ZBBX: variants seen among roughly 807,000 people sequenced by gnomAD.
ZBBX encodes zinc finger B-box domain containing.
In ZBBX, 101 loss-of-function variants were observed where a neutral mutation model predicts 108.5. The ratio of observed to expected loss-of-function variants is 0.93; its 90% CI spans 0.79 to 1.10. The LOEUF (loss-of-function observed/expected upper bound fraction) is 1.10. Among genes scored for constraint, ZBBX ranks in the 50% least tolerant of loss-of-function variants. The pLI is 0.00. For synonymous variants in ZBBX, 356 were observed against 323.4 expected (o/e 1.10, Z -1.08); for missense variants, 1,009 against 941.4 (o/e 1.07, Z -0.94).
At chr3:167,242,448 G>C (rs1010702231) in intron 21 of ZBBX, 57 bp downstream of exon 21, 1 of 1,426,150 alleles carries the variant, frequency 7.0e-7, no homozygotes, top group Non-Finnish European at 9.4e-7. Flanking sequence ...ACTAGTTGGA[G>C]CTTGTCAAAA....
intron 9 of ZBBX, among the ~76,000 whole-genome samples, chr3:167,335,916 AG>A (rs1275715905): frequency 1.3e-5 from 2 of 152,036 alleles, no homozygotes; most frequent in Non-Finnish European, 2.9e-5. Flanking sequence ...TATTTTTAAA[AG>A]AAATTCAAGT....
At chr3:167,197,106 T>G in the ZBBX span, among the ~76,000 whole-genome samples, 5 of 152,218 alleles carry the variant, frequency 3.3e-5, no homozygotes, top group Admixed American at 3.3e-4. Context: ...CAGTGATGCC[T>G]TCCATTTGGT....
chr3:167,406,687 A>C (rs764934552), intron 1 of ZBBX, among the ~76,000 whole-genome samples: 39 of 152,280 alleles, frequency 2.6e-4, no homozygotes, highest in Admixed American at 4.6e-4. Flanking sequence ...CCATGGACGT[A>C]GCTAGGAAAG....
intron 8 of ZBBX, among the ~76,000 whole-genome samples, chr3:167,358,772 T>C (rs1391714960): frequency 6.6e-6 from 1 of 151,328 alleles, no homozygotes; most frequent in Non-Finnish European, 1.5e-5. Flanking sequence ...CCATTTCTAC[T>C]AAAAATACAA....
intron 12 of ZBBX, among the ~76,000 whole-genome samples, chr3:167,318,090 T>C (rs4286434): frequency 0.22 from 32,680 of 151,866 alleles, 4,424 homozygotes; most frequent in South Asian, 0.31. Context: ...TATCTATTAC[T>C]TAATTAACAA....
At chr3:167,308,937 C>A (rs974550901) in intron 16 of ZBBX, among the ~76,000 whole-genome samples, 1 of 152,158 alleles carries the variant, frequency 6.6e-6, no homozygotes, top group Middle Eastern at 3.4e-3. Context: ...ACACGTGTGT[C>A]CCTGAACTTA....
chr3:167,275,093 G>T (rs531719460), intron 20 of ZBBX, among the ~76,000 whole-genome samples: 2 of 152,178 alleles, frequency 1.3e-5, no homozygotes, highest in South Asian at 4.1e-4. Flanking sequence ...ATTTGATTTT[G>T]ATTTTCCTTT....
At chr3:167,327,867 T>C in intron 11 of ZBBX, 75 bp downstream of exon 11, 1 of 1,404,710 alleles carries the variant, frequency 7.1e-7, no homozygotes, top group Non-Finnish European at 9.3e-7. Flanking sequence ...TAAGCCAAGA[T>C]CACGCCGCTG....
At chr3:167,257,310 G>C (rs1236455002) in intron 20 of ZBBX, among the ~76,000 whole-genome samples, 5 of 151,992 alleles carry the variant, frequency 3.3e-5, no homozygotes, top group Non-Finnish European at 7.4e-5. Flanking sequence ...ATAGTATTTT[G>C]GTGGTCTTCA....
chr3:167,178,802 T>G, the ZBBX span, among the ~76,000 whole-genome samples: 11 of 152,334 alleles, frequency 7.2e-5, no homozygotes, highest in East Asian at 2.1e-3. Flanking sequence ...TGATAGCATC[T>G]GGCCTTTAGT....
intron 20 of ZBBX, among the ~76,000 whole-genome samples, chr3:167,271,455 C>T (rs893320135): frequency 6.6e-5 from 10 of 152,072 alleles, no homozygotes; most frequent in African/African-American, 1.4e-4. Context: ...TCTTCTCAGC[C>T]GTGGAAAAAG....
At position 167,403,954 on chromosome 3, in the gene ZBBX, C is replaced by A. The variant is rs564206332; in HGVS notation, c.-446+3772G>T. ...ATAAGATGTTAAACTTCAAGTAAAT[C>A]ATATCAATAATTGCATTAAATGTAA... On this transcript the variant is annotated intron_variant, in intron 1 of 21. Transcript: ENST00000455345. 6.1e-4 allele frequency among the ~76,000 whole-genome samples: 93 copies of A among 151,912 alleles called. 1 individual carries two copies. The South Asian group carries it at 0.019, about 30-fold the overall frequency.
intron 5 of ZBBX, chr3:167,367,024 A>C: frequency 2.5e-6 from 1 of 395,832 alleles, no homozygotes; most frequent in Non-Finnish European, 5.1e-6. Context: ...ATGGACTCTA[A>C]AGATAAATAC....
At position 167,282,341 on chromosome 3, in the gene ZBBX, A is replaced by G. The variant is rs779267893; in HGVS notation, c.2151T>C (p.Tyr717=). The change falls in exon 20 of 22, where the codon TAT becomes TAC. Residue 717 remains tyrosine, a synonymous_variant. Coordinates refer to ENST00000675490, the MANE Select transcript of ZBBX (RefSeq NM_001199201.2). ...GCTCATTCTGGTCAGTAATATCAAT[A>G]TATTCAATTTCTGAAATTTCAGAAG... ...RAASEISEIE[Y]IDITDQNELS... is the part of the protein sequence containing the mutation. 7.4e-6 allele frequency: 12 copies of G among 1,613,950 alleles called. No individual in the cohort carries two copies. The Admixed American group carries it at 1.8e-4, about 25-fold the overall frequency.
chr3:167,374,606 G>A (rs1193809722), intron 2 of ZBBX, among the ~76,000 whole-genome samples: 1 of 152,162 alleles, frequency 6.6e-6, no homozygotes, highest in Non-Finnish European at 1.5e-5. Flanking sequence ...TTAAGGTTCT[G>A]CTATATACAA....
intron 1 of ZBBX, among the ~76,000 whole-genome samples, chr3:167,407,346 C>T (rs1203902478): frequency 1.3e-5 from 2 of 152,016 alleles, no homozygotes; most frequent in Non-Finnish European, 2.9e-5. Context: ...ATGTCCATAC[C>T]TCTATGCCTT....
chr3:167,182,727 G>A, the ZBBX span, among the ~76,000 whole-genome samples: 1 of 152,194 alleles, frequency 6.6e-6, no homozygotes, highest in Admixed American at 6.5e-5. Flanking sequence ...AGGCAAGCTT[G>A]AGTAAGAGTG....
rs1560156859 is a variant in ZBBX, at chr3:167,344,604, TTTGCCAGCAGGACAGCA to T, written c.528+5799_528+5815del. Among the ~76,000 whole-genome samples, 4 of 151,736 alleles carry T rather than the reference TTTGCCAGCAGGACAGCA, an allele frequency of 2.6e-5. No individual in the cohort carries two copies. In the East Asian group the frequency reaches 7.8e-4, roughly 30 times the overall value. On this transcript the variant is annotated intron_variant, in intron 9 of 21. Transcript: ENST00000675490. Reference sequence around the variant, plus strand: ...AGAAGGATGAGGACAGGAATAACAGTTTGCCAGCAGGACAGCATCAGCTGTTCCTTTTTGGTGGTATT... The same window carrying T: ...AGAAGGATGAGGACAGGAATAACAGTTCAGCTGTTCCTTTTTGGTGGTATT...
chr3:167,206,148 C>T, the ZBBX span, among the ~76,000 whole-genome samples: 1 of 151,842 alleles, frequency 6.6e-6, no homozygotes, highest in African/African-American at 2.4e-5. Context: ...TCATTTCTTA[C>T]TCTTCCCTCC....
Sources: gnomAD v4.1 joint callset for allele counts (sites outside exome capture counted in the v4.1 genomes callset) on GRCh38, gnomAD v4.1.1 for gene constraint, MANE v1.5 for transcripts, NCBI Gene and HGNC (gene_info 2026-07-23, HGNC 2026-07-21) for gene names.